FBXO36: variants seen among roughly 807,000 people sequenced by gnomAD.
FBXO36 encodes F-box only protein 36.
A neutral mutation model predicts 17.0 loss-of-function variants in FBXO36; 18 were observed. The observed-to-expected ratio is 1.06, with a 90% CI of 0.73 to 1.57. FBXO36 has a LOEUF of 1.57. FBXO36 is among the 40% of genes most tolerant of loss of function. The probability of loss-of-function intolerance (pLI) is 0.00; values close to 1 mark genes in which losing one functional copy is unlikely to be tolerated. For missense variants in FBXO36, 229 were observed against 221.9 expected, an observed-to-expected ratio of 1.03 and a Z score of -0.20; for synonymous variants, 83 against 85.3, an observed-to-expected ratio of 0.97 and a Z score of 0.15.
intron 1 of FBXO36, among the ~76,000 whole-genome samples, chr2:229,926,831 A>T (rs1290834522): frequency 6.6e-6 from 1 of 152,068 alleles, no homozygotes; most frequent in East Asian, 1.9e-4. Flanking sequence ...CAGTAGATTA[A>T]TAAAGTGTTA....
intron 3 of FBXO36, among the ~76,000 whole-genome samples, chr2:230,006,220 C>G (rs2077386619): frequency 6.6e-6 from 1 of 151,660 alleles, no homozygotes; most frequent in Non-Finnish European, 1.5e-5. Flanking sequence ...CTCAGCCTCC[C>G]AAGTAGCTGA....
chr2:230,000,806 C>T (rs2077354199), intron 3 of FBXO36, among the ~76,000 whole-genome samples: 1 of 151,114 alleles, frequency 6.6e-6, no homozygotes, highest in South Asian at 2.1e-4. Context: ...GAACATGACT[C>T]AGGGCTGCTG....
intron 1 of FBXO36, among the ~76,000 whole-genome samples, chr2:229,959,617 G>A (rs1437203995): frequency 2.0e-5 from 3 of 152,058 alleles, no homozygotes; most frequent in Admixed American, 6.6e-5. Context: ...AGGCCGAGGC[G>A]GGTGGATCAT....
chr2:229,930,874 C>G (rs894343537), intron 1 of FBXO36, among the ~76,000 whole-genome samples: 1 of 152,168 alleles, frequency 6.6e-6, no homozygotes, highest in African/African-American at 2.4e-5. Context: ...GTCATTTACC[C>G]CCTCACTGCT....
intron 1 of FBXO36, among the ~76,000 whole-genome samples, chr2:229,960,721 T>TC (rs367838628): frequency 2.3e-3 from 349 of 152,314 alleles, no homozygotes; most frequent in African/African-American, 8.1e-3. Flanking sequence ...CAGGCTGGTC[T>TC]CAAACTTCTA....
chr2:230,000,886 C>G (rs1311187272), intron 3 of FBXO36, among the ~76,000 whole-genome samples: 2 of 140,734 alleles, frequency 1.4e-5, no homozygotes, highest in Non-Finnish European at 3.0e-5. Context: ...GTCAGAGTCT[C>G]GCTCGGTCAC....
intron 2 of FBXO36, among the ~76,000 whole-genome samples, chr2:229,994,315 T>C (rs1265378298): frequency 6.6e-6 from 1 of 152,170 alleles, no homozygotes; most frequent in Admixed American, 6.5e-5. Context: ...GCCCTTGTAC[T>C]TTAGAGGGGC....
intron 1 of FBXO36, among the ~76,000 whole-genome samples, chr2:229,943,898 G>A (rs2077013007): frequency 6.6e-6 from 1 of 152,152 alleles, no homozygotes; most frequent in South Asian, 2.1e-4. Context: ...CTTGGTGGGA[G>A]GTGATTAGAT....
chr2:229,944,845 G>A (rs1302669659), intron 1 of FBXO36, among the ~76,000 whole-genome samples: 4 of 151,928 alleles, frequency 2.6e-5, no homozygotes, highest in Admixed American at 6.6e-5. Context: ...CACCCACCTC[G>A]GACTCCCAAA....
chr2:229,926,788 T>A (rs893143725), intron 1 of FBXO36, among the ~76,000 whole-genome samples: 6 of 152,092 alleles, frequency 3.9e-5, no homozygotes, highest in Non-Finnish European at 5.9e-5. Flanking sequence ...TTTACATATA[T>A]TTTCTTATAT....
chr2:229,927,540 A>C (rs1461152212), intron 1 of FBXO36, among the ~76,000 whole-genome samples: 1 of 152,210 alleles, frequency 6.6e-6, no homozygotes, highest in East Asian at 1.9e-4. Context: ...AGTGTTAGAA[A>C]GAGAATAATG....
At chr2:229,936,012 A>G (rs1196820255) in intron 1 of FBXO36, among the ~76,000 whole-genome samples, 1 of 152,034 alleles carries the variant, frequency 6.6e-6, no homozygotes, top group East Asian at 1.9e-4. Flanking sequence ...ACATGGCAAA[A>G]CCCCGTCTCT....
At chr2:229,965,304 C>T (rs1172292565) in intron 1 of FBXO36, among the ~76,000 whole-genome samples, 1 of 151,292 alleles carries the variant, frequency 6.6e-6, no homozygotes, top group Non-Finnish European at 1.5e-5. Flanking sequence ...GATCTACTTG[C>T]ACTTTTTCCT....
At chr2:230,009,442 G>C (rs1034174856) in intron 3 of FBXO36, among the ~76,000 whole-genome samples, 1 of 152,206 alleles carries the variant, frequency 6.6e-6, no homozygotes, top group Admixed American at 6.5e-5. Flanking sequence ...CTGCTGCAAG[G>C]ACATGGTTTC....
At chr2:229,988,849 T>G (rs7590987) in intron 2 of FBXO36, among the ~76,000 whole-genome samples, 5,643 of 150,218 alleles carry the variant, frequency 0.038, 335 homozygotes, top group African/African-American at 0.13. Flanking sequence ...TTTTTGTTTT[T>G]TTTTTTTTAC....
At chr2:229,984,188 A>G (rs1417091725) in intron 2 of FBXO36, among the ~76,000 whole-genome samples, 1 of 151,678 alleles carries the variant, frequency 6.6e-6, no homozygotes, top group Non-Finnish European at 1.5e-5. Flanking sequence ...TCTCTACTAA[A>G]AATACAAAAA....
At chr2:230,009,385 T>C (rs548177488) in intron 3 of FBXO36, among the ~76,000 whole-genome samples, 1 of 152,348 alleles carries the variant, frequency 6.6e-6, no homozygotes, top group East Asian at 1.9e-4. Flanking sequence ...TGGTTTCCCA[T>C]TTCTGTGTTA....
rs552255764 is a variant in FBXO36, at chr2:229,965,926, T to C, written c.97-10315T>C. Among the ~76,000 whole-genome samples the C allele has an allele frequency of 1.3e-4, 20 of 152,332 alleles. 1 individual carries two copies. The South Asian group carries it at 3.9e-3, about 30-fold the overall frequency. On this transcript the variant is annotated intron_variant, in intron 1 of 3. Coordinates refer to ENST00000283946, the MANE Select transcript of FBXO36 (RefSeq NM_174899.5). ...GGATGGCTGGGTCAAATGGTATTTC[T>C]AGTTCTAGATCCCTGAGGAATCGCC... is the stretch of plus-strand genomic sequence containing the variant.
chr2:230,002,377 C>G (rs1000906366), intron 3 of FBXO36, among the ~76,000 whole-genome samples: 4 of 150,650 alleles, frequency 2.7e-5, no homozygotes, highest in African/African-American at 9.7e-5. Flanking sequence ...CCCCCCCGTA[C>G]GTTAATTTTT....
Sources: allele counts gnomAD v4.1 joint callset (sites outside exome capture counted in the v4.1 genomes callset), GRCh38; gene constraint gnomAD v4.1.1; transcripts MANE v1.5; gene names NCBI Gene and HGNC (gene_info 2026-07-23, HGNC 2026-07-21).